Variants in NBEA observed in about 807,000 individuals in gnomAD.
NBEA encodes the protein lysosomal-trafficking regulator 2.
A neutral mutation model predicts 343.4 loss-of-function variants in NBEA; 44 were observed. The observed-to-expected ratio is 0.13, with a 90% CI of 0.10 to 0.16. The LOEUF (loss-of-function observed/expected upper bound fraction) is 0.16. Ranked by LOEUF, NBEA falls within the 10% of genes least tolerant of loss-of-function variation. The probability of loss-of-function intolerance (pLI) is 1.00; values close to 1 mark genes in which losing one functional copy is unlikely to be tolerated. For synonymous variants in NBEA, 1,175 were observed against 1,238.7 expected, an observed-to-expected ratio of 0.95 and a Z score of 1.08; for missense variants, 2,555 against 3,631.3, an observed-to-expected ratio of 0.70 and a Z score of 7.62.
At chr13:35,221,181 T>C (rs2074346129) in intron 33 of NBEA, among the ~76,000 whole-genome samples, 1 of 151,980 alleles carries the variant, frequency 6.6e-6, no homozygotes, top group South Asian at 2.1e-4. Context: ...CCATCTCTGC[T>C]AAAAATACAA....
intron 34 of NBEA, among the ~76,000 whole-genome samples, chr13:35,239,451 A>G (rs1417874559): frequency 6.6e-6 from 1 of 152,126 alleles, no homozygotes; most frequent in Non-Finnish European, 1.5e-5. Flanking sequence ...TGGTAGTAAT[A>G]TTATCGATAT....
intron 37 of NBEA, among the ~76,000 whole-genome samples, chr13:35,351,810 T>C (rs1313353210): frequency 2.0e-5 from 3 of 152,034 alleles, no homozygotes; most frequent in Non-Finnish European, 2.9e-5. Flanking sequence ...ATACCTCTTA[T>C]TTTAAGTGAG....
chr13:35,662,692 T>C (rs1432891058), intron 55 of NBEA, among the ~76,000 whole-genome samples: 4 of 152,196 alleles, frequency 2.6e-5, no homozygotes, highest in Non-Finnish European at 5.9e-5. Flanking sequence ...TTTTAAACTC[T>C]CTAAATCAGA....
At chr13:35,030,742 A>C (rs2062180947) in intron 1 of NBEA, among the ~76,000 whole-genome samples, 1 of 151,728 alleles carries the variant, frequency 6.6e-6, no homozygotes. Flanking sequence ...AATAAAGGTT[A>C]TAAAACCATC....
chr13:35,655,612 A>G lies in NBEA; in HGVS notation c.8225A>G (p.Asp2742Gly). ...ACTCAGATTGTATTTGGCCATTGGG[A>G]TGTGGTCACTTGCTTGGCCAGGTCC... Reference protein sequence around the residue: ...KLTQIVFGHWDVVTCLARSES... With the variant: ...KLTQIVFGHWGVVTCLARSES... The change falls in exon 55 of 59, where the codon GAT becomes GGT. Residue 2742 changes from aspartate (D) to glycine (G), a missense_variant. Physicochemically the swap from Asp to Gly is moderately conservative, Grantham distance 94. Coordinates refer to ENST00000379939, the MANE Select transcript of NBEA (RefSeq NM_001385012.1). 1 of 1,613,784 alleles carries G rather than the reference A, an allele frequency of 6.2e-7. No homozygotes were observed. Among genetic ancestry groups the G allele is most frequent in the Non-Finnish European group, 8.5e-7 (1 of 1,179,810 alleles).
intron 45 of NBEA, among the ~76,000 whole-genome samples, chr13:35,581,900 G>GAAAAAAAAAAAAAAAAAAAA (rs2081062618): frequency 1.1e-5 from 1 of 92,776 alleles, no homozygotes; most frequent in African/African-American, 3.4e-5. Flanking sequence ...AAAAAAAAAA[G>GAAAAAAAAAAAAAAAAAAAA]AAAAGAAAAA....
chr13:35,528,039 T>G (rs1316185502), intron 41 of NBEA, among the ~76,000 whole-genome samples: 3 of 152,110 alleles, frequency 2.0e-5, no homozygotes, highest in Non-Finnish European at 4.4e-5. Flanking sequence ...AATGGTTCCA[T>G]TTTGTTCCCT....
chr13:35,360,977 A>T (rs967374030), intron 38 of NBEA, among the ~76,000 whole-genome samples: 2 of 152,040 alleles, frequency 1.3e-5, no homozygotes, highest in African/African-American at 4.8e-5. Context: ...TAGGTGGAAG[A>T]TGTCAAGTTA....
chr13:35,142,212 T>C (rs1189405401), intron 17 of NBEA, 57 bp from the exon 18 acceptor site: 2 of 1,069,214 alleles, frequency 1.9e-6, no homozygotes, highest in East Asian at 4.8e-5. Flanking sequence ...CTAAAAGTCA[T>C]GTGATCGGAG....
intron 49 of NBEA, among the ~76,000 whole-genome samples, chr13:35,629,770 C>G (rs2083376034): frequency 6.6e-6 from 1 of 152,188 alleles, no homozygotes; most frequent in Admixed American, 6.5e-5. Context: ...TTAGTCTCAA[C>G]TGTACACCCT....
At chr13:35,345,995 C>T (rs1487688171) in intron 36 of NBEA, among the ~76,000 whole-genome samples, 1 of 152,040 alleles carries the variant, frequency 6.6e-6, no homozygotes, top group Non-Finnish European at 1.5e-5. Context: ...GATACCTTCT[C>T]TTCGTGTAAA....
At chr13:35,411,264 A>G (rs944135054) in intron 38 of NBEA, among the ~76,000 whole-genome samples, 1 of 152,218 alleles carries the variant, frequency 6.6e-6, no homozygotes, top group African/African-American at 2.4e-5. Flanking sequence ...GCACCCATCC[A>G]GTGGAAAGTT....
chr13:35,420,339 G>C (rs970334627), intron 38 of NBEA, among the ~76,000 whole-genome samples: 2 of 151,938 alleles, frequency 1.3e-5, no homozygotes, highest in Non-Finnish European at 2.9e-5. Context: ...GTGAATCGTT[G>C]CTAAATTTTG....
intron 9 of NBEA, 29 bp from the exon 10 acceptor site, chr13:35,070,690 T>G (rs928312137): frequency 7.8e-6 from 12 of 1,546,330 alleles, no homozygotes; most frequent in Admixed American, 3.4e-5. Flanking sequence ...CTATAGAAGT[T>G]TAATAAACAT....
intron 1 of NBEA, among the ~76,000 whole-genome samples, chr13:34,990,325 G>C (rs916378059): frequency 1.3e-5 from 2 of 151,112 alleles, no homozygotes; most frequent in Non-Finnish European, 3.0e-5. Flanking sequence ...CTTCTGCCAG[G>C]ATATCCAGAC....
chr13:35,475,414 T>G lies in NBEA; in HGVS notation c.6585+2878T>G, dbSNP rs1268262339. 1 of 1,613,590 alleles carries G rather than the reference T, an allele frequency of 6.2e-7. No individual in the cohort carries two copies. The highest frequency in any genetic ancestry group is 1.3e-5 in the African/African-American group (1 of 74,796). On this transcript the variant is annotated intron_variant, in intron 41 of 58. Coordinates refer to ENST00000379939, the MANE Select transcript of NBEA (RefSeq NM_001385012.1). ...GCACTTCTTTCTGCAGCCCCCCATCTGCAGTCTGTTCTCTGCCTCCGCGAA... is the reference window on the plus strand; with the variant it reads ...GCACTTCTTTCTGCAGCCCCCCATCGGCAGTCTGTTCTCTGCCTCCGCGAA...
chr13:35,646,592 A>G (rs1181247453), intron 51 of NBEA, among the ~76,000 whole-genome samples: 1 of 152,060 alleles, frequency 6.6e-6, no homozygotes, highest in Non-Finnish European at 1.5e-5. Flanking sequence ...TCTATGTATG[A>G]CTCTACATAA....
intron 47 of NBEA, among the ~76,000 whole-genome samples, chr13:35,604,936 A>G (rs2082223190): frequency 6.6e-6 from 1 of 152,058 alleles, no homozygotes; most frequent in African/African-American, 2.4e-5. Flanking sequence ...CTCAGCTGCT[A>G]TTGTGTATTA....
At chr13:34,995,115 A>G (rs2060892907) in intron 1 of NBEA, among the ~76,000 whole-genome samples, 1 of 152,172 alleles carries the variant, frequency 6.6e-6, no homozygotes, top group South Asian at 2.1e-4. Flanking sequence ...GTAAAAGCCC[A>G]TTTTCCACAA....
Sources: gnomAD v4.1 joint callset for allele counts (sites outside exome capture counted in the v4.1 genomes callset) on GRCh38, gnomAD v4.1.1 for gene constraint, MANE v1.5 for transcripts, NCBI Gene and HGNC (gene_info 2026-07-23, HGNC 2026-07-21) for gene names.